PARP15: variants seen among roughly 807,000 people sequenced by gnomAD.
PARP15 encodes protein mono-ADP-ribosyltransferase PARP15.
A neutral mutation model predicts 62.1 loss-of-function variants in PARP15; 50 were observed. The ratio of observed to expected loss-of-function variants is 0.81; its 90% CI spans 0.64 to 1.02. The LOEUF (loss-of-function observed/expected upper bound fraction) is 1.02, where lower values mean the gene tolerates loss of function less well. Among genes scored for constraint, PARP15 ranks in the 50% least tolerant of loss-of-function variants. The pLI is 0.00. For missense variants in PARP15, 820 were observed against 826.5 expected (o/e 0.99, Z 0.10); for synonymous variants, 309 against 293.1 (o/e 1.05, Z -0.55).
chr3:122,636,227 A>G lies in PARP15; in HGVS notation c.*127A>G, dbSNP rs750890029. The G allele has an allele frequency of 4.1e-6, 4 of 973,904 alleles. No individual in the cohort carries two copies. The allele number at this position is 973,904 out of a possible 1,614,324, so 60.3% of individuals were successfully genotyped here. Reference sequence around the variant, plus strand: ...TTTAGGTGCCAAAATGCTGAAAATTACCTTTTTAAAGTGCTCTATTGCTGC... The same window carrying G: ...TTTAGGTGCCAAAATGCTGAAAATTGCCTTTTTAAAGTGCTCTATTGCTGC... On this transcript the variant is annotated 3_prime_UTR_variant, in exon 12 of 12. Transcript: ENST00000464300.
Position 122,594,774 on chromosome 3 carries a change from A to G in PARP15, c.187-11162A>G, listed in dbSNP as rs151326187. On this transcript the variant is annotated intron_variant, in intron 1 of 11. Coordinates refer to ENST00000464300, the MANE Select transcript of PARP15 (RefSeq NM_001113523.3). ...GTCAACACATTTATTAATGTTTGTG[A>G]TGGACACCATGGAAGTTCAGCAACT... 8.0e-5 allele frequency: 78 copies of G among 980,846 alleles called. 2 individuals are homozygous for G. The African/African-American group carries it at 1.3e-3, about 16-fold the overall frequency. 60.8% of individuals were successfully genotyped at this position (980,846 alleles called of 1,614,324 possible).
chr3:122,612,371 T>C (rs1445130301), intron 3 of PARP15, among the ~76,000 whole-genome samples: 1 of 151,036 alleles, frequency 6.6e-6, no homozygotes, highest in African/African-American at 2.4e-5. Flanking sequence ...TCTCTCTCTT[T>C]TTTTTTTTTT....
chr3:122,587,096 C>G (rs531815710), intron 1 of PARP15, among the ~76,000 whole-genome samples: 1 of 149,996 alleles, frequency 6.7e-6, no homozygotes, highest in Non-Finnish European at 1.5e-5. Flanking sequence ...TAAGTTTCCT[C>G]TGTGTTTGTG....
At position 122,604,551 on chromosome 3, in the gene PARP15, C is replaced by T. The variant is rs1935024929; in HGVS notation, c.187-1385C>T. ...TGGTCAACTTGGTGAAACTGTGTCT[C>T]TACTAAAAATACAGAAAGTAGGGCC... On this transcript the variant is annotated intron_variant, in intron 1 of 11. Coordinates refer to ENST00000464300, the MANE Select transcript of PARP15 (RefSeq NM_001113523.3). 2.6e-5 allele frequency among the ~76,000 whole-genome samples: 4 copies of T among 151,850 alleles called. No homozygotes were observed. The South Asian group carries it at 8.3e-4, about 32-fold the overall frequency.
rs1490399608 is a variant in PARP15, at chr3:122,610,745, T to TA, written c.543+16dup. On this transcript the variant is annotated intron_variant, in intron 3 of 11. Coordinates refer to ENST00000464300, the MANE Select transcript of PARP15 (RefSeq NM_001113523.3). Reference sequence around the variant, plus strand: ...CTTCTTGGCAGGTAGGGAACGCTCTTAGTTCTCCAACGTATTGGGTGGCTT... The same window carrying TA: ...CTTCTTGGCAGGTAGGGAACGCTCTTAAGTTCTCCAACGTATTGGGTGGCTT... The TA allele has an allele frequency of 1.6e-5, 24 of 1,490,958 alleles. No individual in the cohort carries two copies. The highest frequency in any genetic ancestry group is 2.1e-5 in the Non-Finnish European group (23 of 1,118,608). 92.4% of individuals were successfully genotyped at this position (1,490,958 alleles called of 1,614,324 possible). A position where few individuals can be genotyped will look rare whatever the true frequency, so the allele number is the denominator to read the frequency against.
chr3:122,583,114 C>CTTTTTTTTTTTTTTTTTT (rs67942585), intron 1 of PARP15, among the ~76,000 whole-genome samples: 1 of 83,444 alleles, frequency 1.2e-5, no homozygotes, highest in Non-Finnish European at 2.2e-5. Flanking sequence ...TCATCTGTAT[C>CTTTTTTTTTTTTTTTTTT]TTTTTTTTTT....
chr3:122,627,622 C>G (rs2107591956), intron 9 of PARP15, among the ~76,000 whole-genome samples: 1 of 152,332 alleles, frequency 6.6e-6, no homozygotes, highest in Non-Finnish European at 1.5e-5. Context: ...ATTAAAATAA[C>G]TAGGATTGCA....
chr3:122,616,390 C>T (rs1032926871), intron 5 of PARP15, among the ~76,000 whole-genome samples: 5 of 140,722 alleles, frequency 3.6e-5, no homozygotes, highest in African/African-American at 1.3e-4. Flanking sequence ...AGTGCAGTGG[C>T]GTGATCTTGG....
rs564245114 is a variant in PARP15, at chr3:122,612,155, A to C, written c.544-886A>C. Among the ~76,000 whole-genome samples, 5 of 152,030 alleles carry C rather than the reference A, an allele frequency of 3.3e-5. No homozygotes were observed. The South Asian group carries it at 1.0e-3, about 32-fold the overall frequency. On this transcript the variant is annotated intron_variant, in intron 3 of 11. Coordinates refer to ENST00000464300, the MANE Select transcript of PARP15 (RefSeq NM_001113523.3). The stretch of plus-strand genomic sequence containing the variant: ...ACTGCAACCTCCACCTCCTGGGCTC[A>C]GGTGATCCTCCTACCTCAGCCTCCC...
At chr3:122,621,332 G>C in intron 7 of PARP15, 112 bp from the exon 8 acceptor site, 1 of 1,160,588 alleles carries the variant, frequency 8.6e-7, no homozygotes, top group South Asian at 1.6e-5. Context: ...GCTCGAGTGA[G>C]ACTGGGCTTC....
Position 122,621,452 on chromosome 3 carries a change from C to T in PARP15, c.1072C>T (p.Pro358Ser). ...TCTTTCCTTTTTTTCAGCTGCACAG[C>T]CTCACAGAGATTTTATAATTACACC... ...ESECAVLAAQ[P>S]HRDFIITPGG... The change falls in exon 8 of 12, where the codon CCT becomes TCT. Residue 358 changes from proline (P) to serine (S), a missense_variant. Pro to Ser is a moderately conservative substitution (Grantham distance 74). This residue lies in a region of PARP15 where 731 missense variants were observed against 727.7 expected (regional missense o/e 1.00). Transcript: ENST00000464300. The T allele has an allele frequency of 6.2e-7, 1 of 1,609,814 alleles. No individual in the cohort carries two copies.
At chr3:122,631,999 A>T in intron 9 of PARP15, 87 bp from the exon 10 acceptor site, 1 of 1,465,960 alleles carries the variant, frequency 6.8e-7, no homozygotes, top group South Asian at 1.2e-5. Context: ...GGTTTGGATG[A>T]CGAGAGACAA....
intron 9 of PARP15, among the ~76,000 whole-genome samples, chr3:122,628,641 T>C (rs1343340507): frequency 6.6e-6 from 1 of 152,130 alleles, no homozygotes; most frequent in Non-Finnish European, 1.5e-5. Flanking sequence ...AACAGTGTAG[T>C]TGAAGAGAGA....
At chr3:122,629,096 G>A (rs1164764671) in intron 9 of PARP15, among the ~76,000 whole-genome samples, 1 of 152,188 alleles carries the variant, frequency 6.6e-6, no homozygotes, top group Non-Finnish European at 1.5e-5. Context: ...AGTGTGATTG[G>A]CTTAAGTGTG....
intron 10 of PARP15, among the ~76,000 whole-genome samples, chr3:122,633,910 T>G (rs1263060108): frequency 6.6e-6 from 1 of 152,222 alleles, no homozygotes; most frequent in Non-Finnish European, 1.5e-5. Context: ...GCTGCTGCTC[T>G]TAGATGAAAT....
In PARP15 at chr3:122,637,865, T is replaced by G. The variant is rs965191603; in HGVS notation, c.*1765T>G. 4.6e-5 allele frequency: 7 copies of G among 152,150 alleles called. No homozygotes were observed. Among genetic ancestry groups the G allele is most frequent in the African/African-American group, 1.7e-4 (7 of 41,430 alleles). 9.4% of individuals were successfully genotyped at this position (152,150 alleles called of 1,614,324 possible). A position where few individuals can be genotyped will look rare whatever the true frequency, so the allele number is the denominator to read the frequency against. The stretch of plus-strand genomic sequence containing the variant: ...GCACAATGTGCAGTTTAGTTACATA[T>G]GTAAACATGTGCCATGTTGGTGTGC... On this transcript the variant is annotated 3_prime_UTR_variant, in exon 12 of 12. Transcript: ENST00000464300.
chr3:122,626,627 A>G (rs1253328300), intron 8 of PARP15, among the ~76,000 whole-genome samples, 200 bp from the exon 9 acceptor site: 2 of 152,164 alleles, frequency 1.3e-5, no homozygotes, highest in Non-Finnish European at 2.9e-5. Flanking sequence ...TTAATTCATC[A>G]TGGTCAGAGT....
At chr3:122,611,284 T>C (rs959722324) in intron 3 of PARP15, among the ~76,000 whole-genome samples, 2 of 152,130 alleles carry the variant, frequency 1.3e-5, no homozygotes, top group African/African-American at 4.8e-5. Flanking sequence ...TATAGAAAAG[T>C]ACAAAAAGAC....
intron 1 of PARP15, among the ~76,000 whole-genome samples, chr3:122,591,764 CAAA>C (rs66536667): frequency 9.7e-6 from 1 of 103,416 alleles, no homozygotes; most frequent in African/African-American, 3.9e-5. Context: ...GACTCTGTCT[CAAA>C]AAAAAAAAAA....
Sources: allele counts gnomAD v4.1 joint callset (sites outside exome capture counted in the v4.1 genomes callset), GRCh38; gene constraint gnomAD v4.1.1; regional missense constraint gnomAD v4.1.1; transcripts MANE v1.5; gene names NCBI Gene and HGNC (gene_info 2026-07-23, HGNC 2026-07-21).